The following KCNIP4 variants were observed in gnomAD, a reference collection of about 807,000 sequenced individuals.
KCNIP4 encodes the protein Kv channel-interacting protein 4.
A neutral mutation model predicts 34.0 loss-of-function variants in KCNIP4; 12 were observed. The observed-to-expected ratio is 0.35, with a 90% CI of 0.23 to 0.57. The LOEUF is 0.57. KCNIP4 is among the 20% of genes least tolerant of loss of function. The pLI, the probability that KCNIP4 is intolerant of heterozygous loss-of-function variation, is 0.83. For synonymous variants in KCNIP4, 124 were observed against 102.2 expected (o/e 1.21, Z -1.29); for missense variants, 238 against 311.7 (o/e 0.76, Z 1.78).
At chr4:20,928,182 T>C (rs1730085253) in intron 1 of KCNIP4, among the ~76,000 whole-genome samples, 2 of 151,918 alleles carry the variant, frequency 1.3e-5, no homozygotes, top group Admixed American at 1.3e-4. Flanking sequence ...AATTATATTA[T>C]CCTTATTGGG....
At chr4:21,157,917 A>C (rs1753265664) in intron 1 of KCNIP4, among the ~76,000 whole-genome samples, 1 of 152,134 alleles carries the variant, frequency 6.6e-6, no homozygotes, top group Non-Finnish European at 1.5e-5. Context: ...AGTCAATACA[A>C]TCAATAAACC....
chr4:21,004,686 C>T (rs1272507412), intron 1 of KCNIP4, among the ~76,000 whole-genome samples: 1 of 152,122 alleles, frequency 6.6e-6, no homozygotes, highest in East Asian at 1.9e-4. Context: ...CTTTTTCACA[C>T]TTCATGAATT....
chr4:21,762,955 C>A (rs1486057639), intron 1 of KCNIP4: 1 of 1,288,876 alleles, frequency 7.8e-7, no homozygotes, highest in South Asian at 1.2e-5. Context: ...CTTCCGAAGT[C>A]TCCCTCTGGG....
chr4:21,925,662 T>C lies in KCNIP4; in HGVS notation c.61+22909A>G, dbSNP rs187290887. Among the ~76,000 whole-genome samples, 83 of 152,298 alleles carry C rather than the reference T, an allele frequency of 5.4e-4. No individual in the cohort carries two copies. In the South Asian group the frequency reaches 7.2e-3, roughly 13 times the overall value. On this transcript the variant is annotated intron_variant, in intron 1 of 8. Transcript: ENST00000382152. ...CTCACTTCTTCCAATTAAATGTTAC[T>C]TCTTCATGAAGGTCTCTAGGAAAGT... is the stretch of plus-strand genomic sequence containing the variant.
In KCNIP4 at chr4:21,338,903, G is replaced by A. The variant is rs529303098; in HGVS notation, c.62-456194C>T. 2.4e-4 allele frequency among the ~76,000 whole-genome samples: 36 copies of A among 152,152 alleles called. No individual in the cohort carries two copies. In the South Asian group the frequency reaches 4.8e-3, roughly 20 times the overall value. On this transcript the variant is annotated intron_variant, in intron 1 of 8. Transcript: ENST00000382152. ...TCTGACAAGTAAACGAAAAAGGATCGTATTGGAAAGATACAAAACTATAGA... is the reference window on the plus strand; with the variant it reads ...TCTGACAAGTAAACGAAAAAGGATCATATTGGAAAGATACAAAACTATAGA...
chr4:21,447,276 G>A (rs957215252), intron 1 of KCNIP4, among the ~76,000 whole-genome samples: 4 of 152,074 alleles, frequency 2.6e-5, no homozygotes, highest in African/African-American at 9.7e-5. Context: ...GGAGTGATGA[G>A]GCCACAAGAA....
intron 3 of KCNIP4, among the ~76,000 whole-genome samples, chr4:20,844,496 C>T (rs1203143476): frequency 7.9e-5 from 12 of 152,020 alleles, no homozygotes; most frequent in African/African-American, 1.5e-4. Context: ...AGACAGAAGC[C>T]GGCAGGAATG....
intron 1 of KCNIP4, among the ~76,000 whole-genome samples, chr4:21,429,946 C>T (rs911162637): frequency 6.6e-6 from 1 of 152,106 alleles, no homozygotes; most frequent in Admixed American, 6.6e-5. Context: ...ATGCACTGAG[C>T]ATCTATCTAT....
chr4:21,411,793 A>G (rs1324426150), intron 1 of KCNIP4, among the ~76,000 whole-genome samples: 4 of 152,210 alleles, frequency 2.6e-5, no homozygotes, highest in African/African-American at 9.6e-5. Context: ...AGCCGTGACC[A>G]TGCCACTACA....
At chr4:21,502,799 C>A (rs935775149) in intron 1 of KCNIP4, among the ~76,000 whole-genome samples, 1 of 152,100 alleles carries the variant, frequency 6.6e-6, no homozygotes, top group Non-Finnish European at 1.5e-5. Flanking sequence ...CCACAGAGTG[C>A]GGGCTCACTA....
chr4:21,758,865 C>G (rs1259641833), intron 1 of KCNIP4, among the ~76,000 whole-genome samples: 3 of 152,040 alleles, frequency 2.0e-5, no homozygotes, highest in African/African-American at 7.2e-5. Context: ...GCAATGTGAC[C>G]TTGGGTAAGA....
intron 1 of KCNIP4, among the ~76,000 whole-genome samples, chr4:21,431,911 A>G (rs1353565023): frequency 6.6e-6 from 1 of 151,240 alleles, no homozygotes; most frequent in Non-Finnish European, 1.5e-5. Flanking sequence ...ACCCCAAACC[A>G]CAATGATTAG....
intron 1 of KCNIP4, among the ~76,000 whole-genome samples, chr4:21,916,417 A>G (rs890466752): frequency 1.3e-5 from 2 of 152,174 alleles, no homozygotes; most frequent in East Asian, 3.9e-4. Flanking sequence ...ATCTCAGACT[A>G]TTCTTCACTT....
intron 1 of KCNIP4, among the ~76,000 whole-genome samples, chr4:21,892,372 T>A (rs1727147555): frequency 6.6e-6 from 1 of 151,914 alleles, no homozygotes; most frequent in African/African-American, 2.4e-5. Flanking sequence ...GGGATTGCGA[T>A]TACCCTCACA....
chr4:21,540,473 G>C (rs563769127), intron 1 of KCNIP4, among the ~76,000 whole-genome samples: 1 of 152,228 alleles, frequency 6.6e-6, no homozygotes, highest in South Asian at 2.1e-4. Context: ...ACAAGAGAGA[G>C]GCTCATGAGA....
At chr4:21,038,948 G>C (rs138397068) in intron 1 of KCNIP4, among the ~76,000 whole-genome samples, 1 of 152,158 alleles carries the variant, frequency 6.6e-6, no homozygotes, top group South Asian at 2.1e-4. Context: ...TCCTGTGAAG[G>C]CTGGCATCCA....
chr4:21,519,782 TG>T (rs1735343614), intron 1 of KCNIP4, among the ~76,000 whole-genome samples: 1 of 138,730 alleles, frequency 7.2e-6, no homozygotes, highest in African/African-American at 2.8e-5. Context: ...CACACGTGTG[TG>T]TATGTGTGTG....
chr4:21,502,435 ACAATC>A (rs1279571193), intron 1 of KCNIP4, among the ~76,000 whole-genome samples: 1 of 150,538 alleles, frequency 6.6e-6, no homozygotes, highest in East Asian at 1.9e-4. Flanking sequence ...GAGATGTCAA[ACAATC>A]TTTGCCATTG....
chr4:21,613,079 A>G (rs1317162290), intron 1 of KCNIP4, among the ~76,000 whole-genome samples: 1 of 152,166 alleles, frequency 6.6e-6, no homozygotes, highest in African/African-American at 2.4e-5. Flanking sequence ...CAGCCACTCC[A>G]CCAAGTTGGA....
Sources: allele counts gnomAD v4.1 joint callset (sites outside exome capture counted in the v4.1 genomes callset), GRCh38; gene constraint gnomAD v4.1.1; transcripts MANE v1.5; gene names NCBI Gene and HGNC (gene_info 2026-07-23, HGNC 2026-07-21).